EPS15: variants seen among roughly 807,000 people sequenced by gnomAD.
EPS15 encodes epidermal growth factor receptor pathway substrate 15, also known as epidermal growth factor receptor substrate 15.
A neutral mutation model predicts 113.8 loss-of-function variants in EPS15; 72 were observed. The observed-to-expected ratio is 0.63, with a 90% CI of 0.52 to 0.77. The LOEUF (loss-of-function observed/expected upper bound fraction) is 0.77. Ranked by LOEUF, EPS15 falls within the 30% of genes least tolerant of loss-of-function variation. The pLI is 0.00. For synonymous variants in EPS15, 344 were observed against 363.4 expected, an observed-to-expected ratio of 0.95 and a Z score of 0.61; for missense variants, 1,048 against 1,045.8, an observed-to-expected ratio of 1.00 and a Z score of -0.03.
Position 51,443,106 on chromosome 1 carries a change from C to G in EPS15, c.954+1783G>C, listed in dbSNP as rs573016849. Among the ~76,000 whole-genome samples, 7 of 152,162 alleles carry G rather than the reference C, an allele frequency of 4.6e-5. No individual in the cohort carries two copies. In the East Asian group the frequency reaches 1.2e-3, roughly 25 times the overall value. On this transcript the variant is annotated intron_variant, in intron 11 of 24. Transcript: ENST00000371733. ...CCATTTCAATGAATAATACTGGTAT[C>G]TGACATAAATAGACAAACGTATCTA...
chr1:51,425,243 AG>A (rs1480886829), intron 12 of EPS15, among the ~76,000 whole-genome samples: 1 of 152,236 alleles, frequency 6.6e-6, no homozygotes, highest in African/African-American at 2.4e-5. Flanking sequence ...CAGAAGCCTA[AG>A]GTTCATAAAT....
intron 21 of EPS15, among the ~76,000 whole-genome samples, chr1:51,368,184 G>T (rs1646550524): frequency 6.6e-6 from 1 of 152,154 alleles, no homozygotes; most frequent in African/African-American, 2.4e-5. Context: ...ACTATTCTTA[G>T]AACAAAAGTG....
chr1:51,428,625 G>A (rs1018918901), intron 12 of EPS15, among the ~76,000 whole-genome samples: 19 of 151,836 alleles, frequency 1.3e-4, no homozygotes, highest in Non-Finnish European at 2.5e-4. Flanking sequence ...TCAGGAGTTC[G>A]AGACCAGCCT....
At chr1:51,491,128 C>A (rs921722088) in intron 1 of EPS15, among the ~76,000 whole-genome samples, 5 of 152,090 alleles carry the variant, frequency 3.3e-5, no homozygotes, top group African/African-American at 1.2e-4. Flanking sequence ...TAGATTTTAT[C>A]CCTTCAAATA....
chr1:51,423,671 TCTG>T, intron 12 of EPS15: 1 of 985,342 alleles, frequency 1.0e-6, no homozygotes, highest in Non-Finnish European at 1.2e-6. Context: ...TTCTTTCTGC[TCTG>T]CTGCTAACTG....
chr1:51,406,740 T>C (rs1208987355), intron 15 of EPS15, among the ~76,000 whole-genome samples: 1 of 152,180 alleles, frequency 6.6e-6, no homozygotes, highest in Non-Finnish European at 1.5e-5. Flanking sequence ...ATTGAGTACC[T>C]ACACTGGGAC....
intron 1 of EPS15, among the ~76,000 whole-genome samples, chr1:51,483,151 C>T (rs561617338): frequency 1.8e-3 from 281 of 152,180 alleles, no homozygotes; most frequent in African/African-American, 6.7e-3. Flanking sequence ...GGTACCTGCC[C>T]ATTAGTCACT....
rs746540119 is a variant in EPS15, at chr1:51,364,059, C to T, written c.2197-31G>A. 2.6e-6 allele frequency: 4 copies of T among 1,538,800 alleles called. No homozygotes were observed. The Admixed American group carries it at 5.7e-5, about 22-fold the overall frequency. On this transcript the variant is annotated intron_variant, in intron 22 of 24. Coordinates refer to ENST00000371733, the MANE Select transcript of EPS15 (RefSeq NM_001981.3). ...TTTAAAAAGAAATGGTTATACATGG[C>T]TATACCAAGCAAATTGTGGTAGTCA...
At chr1:51,382,535 C>CA (rs1646965919) in intron 21 of EPS15, 1 of 151,128 alleles carries the variant, frequency 6.6e-6, no homozygotes, top group Admixed American at 6.6e-5. Context: ...TCTCCTATCT[C>CA]AGTCTCCTGA....
At chr1:51,507,496 AC>A (rs2148559230) in intron 1 of EPS15, among the ~76,000 whole-genome samples, 1 of 151,782 alleles carries the variant, frequency 6.6e-6, no homozygotes, top group Non-Finnish European at 1.5e-5. Context: ...CCCCATCTCT[AC>A]CAAAAATACA....
At chr1:51,437,828 A>C (rs1328944493) in intron 12 of EPS15, among the ~76,000 whole-genome samples, 1 of 152,160 alleles carries the variant, frequency 6.6e-6, no homozygotes, top group East Asian at 1.9e-4. Flanking sequence ...AAAATGAAGA[A>C]CTGGCTAAGA....
chr1:51,399,025 C>T lies in EPS15; in HGVS notation c.2052+7G>A. On this transcript the variant is annotated splice_region_variant and intron_variant, in intron 20 of 24. Coordinates refer to ENST00000371733, the MANE Select transcript of EPS15 (RefSeq NM_001981.3). ...TTAACTTAACAGTTTTTAATTCTCC[C>T]ACTTACCGATGTAATACTGCTATTG... 6.2e-7 allele frequency: 1 copy of T among 1,607,634 alleles called. No homozygotes were observed. The highest frequency in any genetic ancestry group is 8.5e-7 in the Non-Finnish European group (1 of 1,176,812).
rs572001519 is a variant in EPS15, at chr1:51,373,824, G to A, written c.2120-7795C>T. ...AAATTAGCCAGGCGTGGTGGTGCAC[G>A]CCTGTAATCTCAGCTACTTGGGAGG... On this transcript the variant is annotated intron_variant, in intron 21 of 24. Coordinates refer to ENST00000371733, the MANE Select transcript of EPS15 (RefSeq NM_001981.3). 3.9e-5 allele frequency among the ~76,000 whole-genome samples: 6 copies of A among 152,210 alleles called. No individual in the cohort carries two copies. The South Asian group carries it at 1.0e-3, about 26-fold the overall frequency.
At chr1:51,476,243 A>T (rs1489189304) in intron 2 of EPS15, among the ~76,000 whole-genome samples, 1 of 152,230 alleles carries the variant, frequency 6.6e-6, no homozygotes, top group African/African-American at 2.4e-5. Context: ...CTGTGAAGAA[A>T]GTCATTGGTA....
chr1:51,512,839 A>G (rs1379855969), intron 1 of EPS15, among the ~76,000 whole-genome samples: 1 of 149,466 alleles, frequency 6.7e-6, no homozygotes, highest in Non-Finnish European at 1.5e-5. Flanking sequence ...TAAATGAGCA[A>G]TATCTTTTTT....
chr1:51,422,797 G>C (rs1467118278), intron 12 of EPS15, among the ~76,000 whole-genome samples: 2 of 152,218 alleles, frequency 1.3e-5, no homozygotes, highest in Admixed American at 1.3e-4. Flanking sequence ...GAATTCTGCA[G>C]CAGTACATTT....
intron 20 of EPS15, 148 bp from the exon 21 acceptor site, chr1:51,394,595 G>A: frequency 6.5e-6 from 3 of 458,890 alleles, no homozygotes; most frequent in Non-Finnish European, 1.2e-5. Flanking sequence ...ATAGTGATCT[G>A]CAATCTTACT....
chr1:51,363,736 C>G, intron 23 of EPS15, 130 bp downstream of exon 23: 1 of 716,176 alleles, frequency 1.4e-6, no homozygotes, highest in South Asian at 3.2e-5. Flanking sequence ...GAATGAATGA[C>G]AGCAGCAGGC....
At chr1:51,491,633 G>C (rs115654258) in intron 1 of EPS15, among the ~76,000 whole-genome samples, 1,572 of 152,248 alleles carry the variant, frequency 0.01, 29 homozygotes, top group African/African-American at 0.036. Context: ...GAAGCTGTTT[G>C]CTTATTACAG....
Sources: gnomAD v4.1 joint callset for allele counts (sites outside exome capture counted in the v4.1 genomes callset) on GRCh38, gnomAD v4.1.1 for gene constraint, MANE v1.5 for transcripts, NCBI Gene and HGNC (gene_info 2026-07-23, HGNC 2026-07-21) for gene names.